Variants in RGS7 observed in about 807,000 individuals in gnomAD.
The protein encoded by RGS7 is regulator of G-protein signaling 7.
Under a neutral mutation model 81.1 loss-of-function variants are expected in RGS7, and 27 were observed. The ratio of observed to expected loss-of-function variants is 0.33; its 90% CI spans 0.25 to 0.46. The LOEUF is 0.46. Ranked by LOEUF, RGS7 falls within the 20% of genes least tolerant of loss-of-function variation. RGS7 has a pLI of 1.00. For missense variants in RGS7, 396 were observed against 607.4 expected (o/e 0.65, Z 3.66); for synonymous variants, 208 against 207.7 (o/e 1.00, Z -0.01).
chr1:240,911,841 T>A (rs1671799800), intron 6 of RGS7, among the ~76,000 whole-genome samples: 1 of 152,066 alleles, frequency 6.6e-6, no homozygotes, highest in African/African-American at 2.4e-5. Context: ...TATGGCTTAC[T>A]GTACTTTAAA....
chr1:240,854,811 C>T (rs1660768800), intron 9 of RGS7, among the ~76,000 whole-genome samples: 1 of 152,138 alleles, frequency 6.6e-6, no homozygotes, highest in Non-Finnish European at 1.5e-5. Flanking sequence ...CACATCCCCT[C>T]CCCGGCCTAC....
At chr1:241,302,536 G>A (rs1329986174) in intron 2 of RGS7, among the ~76,000 whole-genome samples, 6 of 152,092 alleles carry the variant, frequency 3.9e-5, no homozygotes, top group South Asian at 4.2e-4. Flanking sequence ...GCAACAGAGC[G>A]AGACTCTGTC....
intron 3 of RGS7, among the ~76,000 whole-genome samples, chr1:241,075,424 G>C (rs1373150345): frequency 6.6e-6 from 1 of 152,112 alleles, no homozygotes; most frequent in African/African-American, 2.4e-5. Context: ...GAGAAAAAGA[G>C]AGAGAAAGGA....
intron 2 of RGS7, among the ~76,000 whole-genome samples, chr1:241,151,602 G>GT (rs2068760665): frequency 6.9e-6 from 1 of 144,346 alleles, no homozygotes; most frequent in South Asian, 2.2e-4. Context: ...TAAGTTCTGG[G>GT]TTACATGTGC....
chr1:240,777,398 A>G (rs1683154767), intron 18 of RGS7, among the ~76,000 whole-genome samples: 1 of 152,202 alleles, frequency 6.6e-6, no homozygotes, highest in Non-Finnish European at 1.5e-5. Flanking sequence ...TATTTAATGA[A>G]TTTTTGTACA....
chr1:240,799,477 C>G (rs529412304), intron 18 of RGS7, among the ~76,000 whole-genome samples: 1 of 152,046 alleles, frequency 6.6e-6, no homozygotes, highest in South Asian at 2.1e-4. Flanking sequence ...CCCTCCTCAC[C>G]CTAACACCCA....
At chr1:240,913,098 A>G (rs1672033749) in intron 6 of RGS7, among the ~76,000 whole-genome samples, 1 of 152,256 alleles carries the variant, frequency 6.6e-6, no homozygotes, top group Admixed American at 6.5e-5. Flanking sequence ...TATTTTTAGT[A>G]CAACAGAGAG....
intron 4 of RGS7, among the ~76,000 whole-genome samples, chr1:240,940,891 G>A (rs995395804): frequency 3.3e-5 from 5 of 152,194 alleles, no homozygotes; most frequent in Non-Finnish European, 7.3e-5. Context: ...AGAGTGCAAA[G>A]TGTATGTTGG....
intron 4 of RGS7, among the ~76,000 whole-genome samples, chr1:240,948,187 T>C (rs1678967556): frequency 6.6e-6 from 1 of 152,224 alleles, no homozygotes; most frequent in Admixed American, 6.5e-5. Flanking sequence ...TATTTTTTTA[T>C]TGATTATTAT....
At chr1:240,855,266 G>A (rs1417407006) in intron 9 of RGS7, among the ~76,000 whole-genome samples, 1 of 136,000 alleles carries the variant, frequency 7.4e-6, no homozygotes, top group East Asian at 2.2e-4. Context: ...GATTACACAT[G>A]CTGTTGCATT....
intron 2 of RGS7, among the ~76,000 whole-genome samples, chr1:241,265,277 C>A (rs2077527202): frequency 6.6e-6 from 1 of 152,244 alleles, no homozygotes; most frequent in Non-Finnish European, 1.5e-5. Flanking sequence ...CGGCCATCTC[C>A]ATAATCCCTC....
chr1:241,342,579 A>G (rs10737859), intron 2 of RGS7, among the ~76,000 whole-genome samples: 118,265 of 152,124 alleles, frequency 0.78, 47,187 homozygotes, highest in South Asian at 0.88. Context: ...AGACTTTAAA[A>G]ACCTCCCCAT....
rs1682881087 is a variant in RGS7 at position 240,776,079 on chromosome 1, A to T, written c.*141T>A. On this transcript the variant is annotated 3_prime_UTR_variant, in exon 19 of 19. Coordinates refer to ENST00000440928, the MANE Select transcript of RGS7 (RefSeq NM_001364886.1). ...TTTGCTCATGCAACATCTTGTTCTA[A>T]TGTCCTCTGCTCCAGGTCACAACAT... 11 of 1,024,802 alleles carry T rather than the reference A, an allele frequency of 1.1e-5. No homozygotes were observed. The highest frequency in any genetic ancestry group is 1.7e-5 in the Non-Finnish European group (11 of 642,208). The allele number at this position is 1,024,802 out of a possible 1,614,324, so 63.5% of individuals were successfully genotyped here.
chr1:241,212,984 C>T (rs554007051), intron 2 of RGS7, among the ~76,000 whole-genome samples: 7 of 152,260 alleles, frequency 4.6e-5, no homozygotes, highest in East Asian at 3.9e-4. Context: ...TGTCCTTGTG[C>T]GTGTGTTTCA....
intron 14 of RGS7, among the ~76,000 whole-genome samples, chr1:240,809,636 C>G (rs1689496498): frequency 6.6e-6 from 1 of 152,102 alleles, no homozygotes; most frequent in Admixed American, 6.6e-5. Flanking sequence ...TAAAATGAGG[C>G]AATATTTACA....
intron 2 of RGS7, among the ~76,000 whole-genome samples, chr1:241,160,098 G>C (rs1439112979): frequency 8.3e-6 from 1 of 120,798 alleles, no homozygotes; most frequent in Non-Finnish European, 1.6e-5. Flanking sequence ...GTGACAGAGC[G>C]AGACTCCATC....
intron 14 of RGS7, among the ~76,000 whole-genome samples, chr1:240,809,295 A>G (rs1050153819): frequency 6.6e-6 from 1 of 152,074 alleles, no homozygotes. Flanking sequence ...AGTGCTTCTT[A>G]TTTTTTTCCT....
chr1:241,182,482 T>C (rs1424826765), intron 2 of RGS7, among the ~76,000 whole-genome samples: 1 of 152,124 alleles, frequency 6.6e-6, no homozygotes, highest in Non-Finnish European at 1.5e-5. Context: ...ATGAATGTTT[T>C]CTAAATGATA....
intron 5 of RGS7, among the ~76,000 whole-genome samples, chr1:240,932,566 T>C (rs1309339863): frequency 7.2e-6 from 1 of 139,256 alleles, no homozygotes; most frequent in Non-Finnish European, 1.5e-5. Context: ...TGGAGTGCAG[T>C]GGTGCGGTCT....
Sources: gnomAD v4.1 joint callset for allele counts (sites outside exome capture counted in the v4.1 genomes callset) on GRCh38, gnomAD v4.1.1 for gene constraint, MANE v1.5 for transcripts, NCBI Gene and HGNC (gene_info 2026-07-23, HGNC 2026-07-21) for gene names.